The following CCSER1 variants were observed in gnomAD, a reference collection of about 807,000 sequenced individuals.
The protein encoded by CCSER1 is serine-rich coiled-coil domain-containing protein 1.
CCSER1 carries 41 observed loss-of-function variants against 82.0 expected under a neutral mutation model. The ratio of observed to expected loss-of-function variants is 0.50; its 90% CI spans 0.39 to 0.65. The LOEUF (loss-of-function observed/expected upper bound fraction) is 0.65. Among genes scored for constraint, CCSER1 ranks in the 30% least tolerant of loss-of-function variants. The pLI is 0.00. For synonymous variants in CCSER1, 414 were observed against 383.9 expected (o/e 1.08, Z -0.92); for missense variants, 1,119 against 1,064.2 (o/e 1.05, Z -0.72).
chr4:90,343,366 C>T lies in CCSER1; in HGVS notation c.1509+30319C>T, dbSNP rs534291177. Among the ~76,000 whole-genome samples, 277 of 152,248 alleles carry T rather than the reference C, an allele frequency of 1.8e-3. 2 individuals are homozygous for T. The Middle Eastern group carries it at 0.024, about 13-fold the overall frequency. On this transcript the variant is annotated intron_variant, in intron 3 of 10. Coordinates refer to ENST00000509176, the MANE Select transcript of CCSER1 (RefSeq NM_001145065.2). Reference sequence around the variant, plus strand: ...GTAGCCTTAAAACTAGACTCTAGGCCGGGCATGGTGGAGGCCAAGGTGGAT... The same window carrying T: ...GTAGCCTTAAAACTAGACTCTAGGCTGGGCATGGTGGAGGCCAAGGTGGAT...
chr4:91,273,311 A>G (rs6812625), intron 10 of CCSER1, among the ~76,000 whole-genome samples: 86,056 of 151,860 alleles, frequency 0.57, 25,593 homozygotes, highest in African/African-American at 0.78. Flanking sequence ...GAGGTCTTTT[A>G]ACTCCTTGGT....
chr4:90,406,332 C>T (rs1332587898), intron 4 of CCSER1, among the ~76,000 whole-genome samples: 2 of 152,056 alleles, frequency 1.3e-5, no homozygotes, highest in Non-Finnish European at 2.9e-5. Flanking sequence ...TATATATGCA[C>T]CTAACACTGG....
chr4:91,122,077 G>T (rs946685526), intron 10 of CCSER1, among the ~76,000 whole-genome samples: 1 of 151,774 alleles, frequency 6.6e-6, no homozygotes, highest in East Asian at 1.9e-4. Context: ...TGACATTTTT[G>T]AAATATCCAG....
chr4:90,464,166 C>T (rs187759966), intron 4 of CCSER1, among the ~76,000 whole-genome samples: 2,923 of 152,178 alleles, frequency 0.019, 80 homozygotes, highest in African/African-American at 0.067. Flanking sequence ...TACTTCATTT[C>T]AAAGCTAAAA....
At chr4:90,880,020 G>A (rs1291403208) in intron 8 of CCSER1, among the ~76,000 whole-genome samples, 1 of 152,136 alleles carries the variant, frequency 6.6e-6, no homozygotes, top group African/African-American at 2.4e-5. Flanking sequence ...TGAAGCTTTG[G>A]GGTGTGATCC....
intron 5 of CCSER1, among the ~76,000 whole-genome samples, chr4:90,575,778 A>G (rs1211380745): frequency 6.6e-6 from 1 of 152,122 alleles, no homozygotes; most frequent in Non-Finnish European, 1.5e-5. Context: ...CACATTTAAT[A>G]AATGTTTTGG....
chr4:90,749,305 C>T (rs1162145947), intron 7 of CCSER1, among the ~76,000 whole-genome samples: 1 of 151,826 alleles, frequency 6.6e-6, no homozygotes, highest in East Asian at 1.9e-4. Context: ...ATCCTTTCCC[C>T]ATTGCTTGTT....
intron 4 of CCSER1, among the ~76,000 whole-genome samples, chr4:90,436,766 A>G (rs1309167298): frequency 6.6e-6 from 1 of 151,980 alleles, no homozygotes; most frequent in African/African-American, 2.4e-5. Context: ...ATGTACACAT[A>G]TATGTATTAT....
At chr4:90,149,041 G>A (rs781413120) in intron 1 of CCSER1, among the ~76,000 whole-genome samples, 41 of 152,074 alleles carry the variant, frequency 2.7e-4, no homozygotes, top group Admixed American at 3.9e-4. Flanking sequence ...ATCTATTTCC[G>A]AAATCCCATG....
At chr4:90,801,225 G>A (rs943857948) in intron 7 of CCSER1, among the ~76,000 whole-genome samples, 4 of 151,946 alleles carry the variant, frequency 2.6e-5, no homozygotes, top group African/African-American at 9.7e-5. Context: ...ACACTTTCTT[G>A]GTATTATGAT....
intron 7 of CCSER1, among the ~76,000 whole-genome samples, chr4:90,765,016 C>G (rs996417698): frequency 1.1e-4 from 16 of 152,068 alleles, no homozygotes; most frequent in African/African-American, 3.9e-4. Context: ...ATTTCTTTTC[C>G]CCAATGAAAA....
At chr4:90,880,655 G>A (rs1721164775) in intron 8 of CCSER1, among the ~76,000 whole-genome samples, 1 of 152,152 alleles carries the variant, frequency 6.6e-6, no homozygotes, top group East Asian at 1.9e-4. Context: ...GAGGTGGCTG[G>A]AAGCCCAGTC....
intron 4 of CCSER1, among the ~76,000 whole-genome samples, chr4:90,432,987 C>G (rs1198244779): frequency 2.0e-5 from 3 of 152,096 alleles, no homozygotes; most frequent in African/African-American, 7.2e-5. Flanking sequence ...TCCTACTTTG[C>G]TTATACCTAC....
intron 7 of CCSER1, among the ~76,000 whole-genome samples, chr4:90,811,134 C>G (rs571990893): frequency 6.6e-6 from 1 of 152,036 alleles, no homozygotes; most frequent in Non-Finnish European, 1.5e-5. Context: ...CCACCGCATC[C>G]GGCAGGAGTA....
rs566207555 is a variant in CCSER1, at chr4:91,069,505, T to C, written c.2173-16445T>C. 2.4e-4 allele frequency among the ~76,000 whole-genome samples: 37 copies of C among 152,338 alleles called. No homozygotes were observed. The South Asian group carries it at 4.6e-3, about 19-fold the overall frequency. ...ATTTAATTAATATTAGTTTAGTATC[T>C]ACTAAGTGCCAGACACTGTTCTAAG... On this transcript the variant is annotated intron_variant, in intron 9 of 10. Coordinates refer to ENST00000509176, the MANE Select transcript of CCSER1 (RefSeq NM_001145065.2).
intron 10 of CCSER1, among the ~76,000 whole-genome samples, chr4:91,580,406 C>G (rs1421222854): frequency 2.6e-5 from 4 of 151,710 alleles, no homozygotes; most frequent in Non-Finnish European, 2.9e-5. Context: ...TCTTTCTTTT[C>G]TAACAATAAT....
intron 1 of CCSER1, among the ~76,000 whole-genome samples, chr4:90,200,200 A>G (rs1474430533): frequency 6.6e-6 from 1 of 152,016 alleles, no homozygotes; most frequent in African/African-American, 2.4e-5. Context: ...TCTCCTTCCC[A>G]GAGTACATGT....
chr4:90,839,082 G>A (rs773796739), intron 8 of CCSER1: 3 of 1,547,868 alleles, frequency 1.9e-6, no homozygotes, highest in Non-Finnish European at 2.7e-6. Context: ...TACGAGCGAA[G>A]TCTGGTCTGC....
chr4:90,692,579 A>G (rs1347344413), intron 6 of CCSER1, among the ~76,000 whole-genome samples: 1 of 151,984 alleles, frequency 6.6e-6, no homozygotes, highest in African/African-American at 2.4e-5. Context: ...CTAGCATTCA[A>G]TAAGATGTTG....
Sources: allele counts gnomAD v4.1 joint callset (sites outside exome capture counted in the v4.1 genomes callset), GRCh38; gene constraint gnomAD v4.1.1; transcripts MANE v1.5; gene names NCBI Gene and HGNC (gene_info 2026-07-23, HGNC 2026-07-21).